The following NCKIPSD variants were observed in gnomAD, a reference collection of about 807,000 sequenced individuals.
The protein encoded by NCKIPSD is NCK-interacting protein with SH3 domain.
Under a neutral mutation model 73.4 loss-of-function variants are expected in NCKIPSD, and 48 were observed. The observed-to-expected ratio is 0.65, with a 90% CI of 0.52 to 0.83. NCKIPSD has a LOEUF of 0.83. Among genes scored for constraint, NCKIPSD ranks in the 40% least tolerant of loss-of-function variants. NCKIPSD has a pLI of 0.00. For missense variants in NCKIPSD, 884 were observed against 970.2 expected, an observed-to-expected ratio of 0.91 and a Z score of 1.18; for synonymous variants, 422 against 403.6, an observed-to-expected ratio of 1.05 and a Z score of -0.54.
At chr3:48,681,260 T>C in intron 5 of NCKIPSD, 27 bp downstream of exon 5, 2 of 1,547,688 alleles carry the variant, frequency 1.3e-6, no homozygotes, top group East Asian at 2.2e-5. Flanking sequence ...GGTAGCAGGG[T>C]GGCCCTGCTG....
rs568227172 is a variant in NCKIPSD at position 48,685,524 on chromosome 3, G to A, written c.171+113C>T. On this transcript the variant is annotated intron_variant, in intron 1 of 12. Coordinates refer to ENST00000294129, the MANE Select transcript of NCKIPSD (RefSeq NM_016453.4). The stretch of plus-strand genomic sequence containing the variant: ...AGGTTCTCAAACTCCCTGTCTGATA[G>A]AGGTCCTGGCCTCGGGTCCCGGAGA... The A allele has an allele frequency of 2.2e-5, 29 of 1,306,150 alleles. No individual in the cohort carries two copies. The African/African-American group carries it at 4.2e-4, about 19-fold the overall frequency. 80.9% of individuals were successfully genotyped at this position (1,306,150 alleles called of 1,614,324 possible).
rs779232286 is a variant in NCKIPSD, at chr3:48,682,521, A to T, written c.313T>A (p.Ser105Thr). 70 of 1,613,996 alleles carry T rather than the reference A, an allele frequency of 4.3e-5. No homozygotes were observed. Among genetic ancestry groups the T allele is most frequent in the Non-Finnish European group, 5.7e-5 (67 of 1,179,994 alleles). The change falls in exon 3 of 13, where the codon TCA becomes ACA. Residue 105 changes from serine to threonine, a missense_variant. Transcript: ENST00000294129. The part of the protein sequence containing the change: ...KLIHHRKETL[S>T]RRGPSASSVA... ...CTGGAGGCTGAAGGGCCTCTGCGTG[A>T]CAGGGTCTCTTTCCGGTGGTGGATC...
chr3:48,674,252 G>A lies in NCKIPSD; in HGVS notation c.*292C>T, dbSNP rs2077217693. 16 of 1,299,222 alleles carry A rather than the reference G, an allele frequency of 1.2e-5. No homozygotes were observed. The East Asian group carries it at 3.9e-4, about 31-fold the overall frequency. The allele number at this position is 1,299,222 out of a possible 1,614,324, so 80.5% of individuals were successfully genotyped here. ...CAGCCTGGAGCGGCAGCAGGACTCT[G>A]AGTGTACACATGGGTGTGGGGTGAA... On this transcript the variant is annotated 3_prime_UTR_variant, in exon 13 of 13. Transcript: ENST00000294129.
rs371456711 is a variant in NCKIPSD at position 48,681,704 on chromosome 3, C to T, written c.675G>A (p.Thr225=). Residue 225 remains threonine (T), a synonymous_variant, in exon 5 of 13, where the codon ACG becomes ACA. Coordinates refer to ENST00000294129, the MANE Select transcript of NCKIPSD (RefSeq NM_016453.4). Reference sequence around the variant, plus strand: ...CAGATGGGCTGGAGCTGGTATAGAGCGTGTCCAGGGAGGTGCTGCTGACTG... The same window carrying T: ...CAGATGGGCTGGAGCTGGTATAGAGTGTGTCCAGGGAGGTGCTGCTGACTG... ...GSSVSSTSLD[T]LYTSSSPSEP... 21 of 1,573,116 alleles carry T rather than the reference C, an allele frequency of 1.3e-5. No individual in the cohort carries two copies. The South Asian group carries it at 2.0e-4, about 15-fold the overall frequency.
chr3:48,674,817 C>A, intron 12 of NCKIPSD, 70 bp from the exon 13 acceptor site: 1 of 1,483,992 alleles, frequency 6.7e-7, no homozygotes, highest in Admixed American at 1.8e-5. Context: ...AGGGACAGGA[C>A]CCCACTGTCC....
intron 1 of NCKIPSD, among the ~76,000 whole-genome samples, chr3:48,684,370 C>T (rs1268663701): frequency 1.3e-5 from 2 of 152,176 alleles, no homozygotes; most frequent in Non-Finnish European, 2.9e-5. Context: ...GACTTTTCCT[C>T]AGAGGCCTTC....
chr3:48,678,962 G>C lies in NCKIPSD; in HGVS notation c.1707C>G (p.Asp569Glu). Residue 569 changes from aspartate (D) to glutamate (E), a missense_variant, in exon 11 of 13, where the codon GAC becomes GAG. Asp to Glu is a conservative substitution (Grantham distance 45). Coordinates refer to ENST00000294129, the MANE Select transcript of NCKIPSD (RefSeq NM_016453.4). ...TCAGGGCAGCCATGATGACATTCTGGTCAGCAGCTAAGGAAGGACATGGGT... is the reference window on the plus strand; with the variant it reads ...TCAGGGCAGCCATGATGACATTCTGCTCAGCAGCTAAGGAAGGACATGGGT... ...LALNLHLPAA[D>E]QNVIMAALSK... 1.2e-6 allele frequency: 2 copies of C among 1,614,106 alleles called. No individual in the cohort carries two copies. The highest frequency in any genetic ancestry group is 1.7e-6 in the Non-Finnish European group (2 of 1,180,016).
At chr3:48,675,527 T>TATATA (rs1559489976) in intron 12 of NCKIPSD, among the ~76,000 whole-genome samples, 1 of 58,996 alleles carries the variant, frequency 1.7e-5, no homozygotes, top group Non-Finnish European at 3.1e-5. Context: ...TATATATATA[T>TATATA]GATATATATA....
chr3:48,682,633 C>A, intron 2 of NCKIPSD, 81 bp from the exon 3 acceptor site: 1 of 1,488,768 alleles, frequency 6.7e-7, no homozygotes, highest in Non-Finnish European at 9.2e-7. Flanking sequence ...GATGCTGGGA[C>A]CCCATAGCCC....
Position 48,679,383 on chromosome 3 carries a change from G to A in NCKIPSD, c.1564C>T (p.His522Tyr), listed in dbSNP as rs1372074030. The A allele has an allele frequency of 3.7e-6, 6 of 1,614,162 alleles. 1 individual carries two copies. Among genetic ancestry groups the A allele is most frequent in the Middle Eastern group, 1.7e-4 (1 of 6,060 alleles). The change falls in exon 9 of 13, where the codon CAC becomes TAC. Residue 522 changes from histidine to tyrosine, a missense_variant. Physicochemically the swap from His to Tyr is moderately conservative, Grantham distance 83. Coordinates refer to ENST00000294129, the MANE Select transcript of NCKIPSD (RefSeq NM_016453.4). ...TCGGTTACTGCATTCTTACCATAGT[G>A]TGCATAGGGCACTGCCTCTCCCATG... ...FSMGEAVPYA[H>Y]YEHLGTPFAQ...
chr3:48,681,696 G>T lies in NCKIPSD; in HGVS notation c.683C>A (p.Thr228Asn). ...VSSTSLDTLYTSSSPSEPGSS... is the reference protein window; with the variant it reads ...VSSTSLDTLYNSSSPSEPGSS... Reference sequence around the variant, plus strand: ...GCCTGGTTCAGATGGGCTGGAGCTGGTATAGAGCGTGTCCAGGGAGGTGCT... The same window carrying T: ...GCCTGGTTCAGATGGGCTGGAGCTGTTATAGAGCGTGTCCAGGGAGGTGCT... Residue 228 changes from threonine to asparagine, a missense_variant, in exon 5 of 13, where the codon ACC becomes AAC. Thr to Asn is a moderately conservative substitution (Grantham distance 65). Transcript: ENST00000294129. 6.3e-7 allele frequency: 1 copy of T among 1,580,984 alleles called. No homozygotes were observed. Among genetic ancestry groups the T allele is most frequent in the Non-Finnish European group, 8.6e-7 (1 of 1,163,490 alleles).
At chr3:48,680,511 T>C (rs1012738243) in intron 5 of NCKIPSD, among the ~76,000 whole-genome samples, 1 of 152,180 alleles carries the variant, frequency 6.6e-6, no homozygotes, top group Non-Finnish European at 1.5e-5. Flanking sequence ...ACTGCCAGAA[T>C]GTGACTCTGA....
intron 12 of NCKIPSD, among the ~76,000 whole-genome samples, chr3:48,676,317 C>A (rs1447416604): frequency 6.6e-6 from 1 of 152,134 alleles, no homozygotes; most frequent in Non-Finnish European, 1.5e-5. Flanking sequence ...CCAGAATGAG[C>A]AGCCCTAGCT....
At position 48,682,072 on chromosome 3, in the gene NCKIPSD, G is replaced by A. The variant is rs756971016; in HGVS notation, c.571C>T (p.Arg191Cys). 1.2e-5 allele frequency: 19 copies of A among 1,601,552 alleles called. No homozygotes were observed. Among genetic ancestry groups the A allele is most frequent in the Middle Eastern group, 3.3e-4 (2 of 6,082 alleles). Residue 191 changes from arginine to cysteine, a missense_variant, in exon 4 of 13, where the codon CGC becomes TGC. By Grantham distance (180) the Arg-to-Cys change is radical. Transcript: ENST00000294129. ...TPPPPVKRRDREALMASGSGG... is the reference protein window; with the variant it reads ...TPPPPVKRRDCEALMASGSGG... ...CTCCCAGAGGCCATCAGGGCCTCGC[G>A]GTCTCGGCGCTTCACTGGTGGGGGC...
At chr3:48,681,246 G>C in intron 5 of NCKIPSD, 41 bp downstream of exon 5, 1 of 1,533,144 alleles carries the variant, frequency 6.5e-7, no homozygotes, top group Middle Eastern at 1.7e-4. Flanking sequence ...GTGGGAACAG[G>C]GTGGGTAGCA....
chr3:48,681,594 G>A lies in NCKIPSD; in HGVS notation c.785C>T (p.Pro262Leu). ...HTTVSQVQPP[P>L]SKASAPEPPA... ...GGGTTCAGGTGCTGATGCCTTGGAG[G>A]GAGGGGGCTGGACTTGGGACACGGT... The change falls in exon 5 of 13, where the codon CCC (proline) becomes CTC (leucine). Residue 262 changes from proline (P) to leucine (L), a missense_variant. By Grantham distance (98) the Pro-to-Leu change is moderately conservative. Transcript: ENST00000294129. 1.2e-6 allele frequency: 2 copies of A among 1,614,020 alleles called. No homozygotes were observed. The highest frequency in any genetic ancestry group is 1.7e-6 in the Non-Finnish European group (2 of 1,180,022).
intron 10 of NCKIPSD, 26 bp from the exon 11 acceptor site, chr3:48,678,995 G>C (rs2077302028): frequency 6.2e-7 from 1 of 1,614,144 alleles, no homozygotes; most frequent in Non-Finnish European, 8.5e-7. Flanking sequence ...GGTATAGACA[G>C]GGTGCTGAGC....
chr3:48,674,953 A>G (rs2077229597), intron 12 of NCKIPSD, among the ~76,000 whole-genome samples: 1 of 152,132 alleles, frequency 6.6e-6, no homozygotes, highest in African/African-American at 2.4e-5. Context: ...CCAGCCACAG[A>G]CAGCCCCAAG....
intron 6 of NCKIPSD, 45 bp from the exon 7 acceptor site, chr3:48,679,932 C>T (rs1163960897): frequency 1.2e-6 from 2 of 1,611,930 alleles, no homozygotes; most frequent in Admixed American, 3.3e-5. Flanking sequence ...ATGAGCGGAG[C>T]TGTGCAGCCG....
Sources: gnomAD v4.1 joint callset for allele counts (sites outside exome capture counted in the v4.1 genomes callset) on GRCh38, gnomAD v4.1.1 for gene constraint, MANE v1.5 for transcripts, NCBI Gene and HGNC (gene_info 2026-07-23, HGNC 2026-07-21) for gene names.